TRANK1: variants seen among roughly 807,000 people sequenced by gnomAD.
TRANK1 encodes TPR and ankyrin repeat-containing protein 1.
Under a neutral mutation model 266.0 loss-of-function variants are expected in TRANK1, and 198 were observed. The ratio of observed to expected loss-of-function variants is 0.74; its 90% CI spans 0.66 to 0.84. The LOEUF is 0.84. Ranked by LOEUF, TRANK1 falls within the 40% of genes least tolerant of loss-of-function variation. The probability of loss-of-function intolerance (pLI) is 0.00; values close to 1 mark genes in which losing one functional copy is unlikely to be tolerated. For missense variants in TRANK1, 3,326 were observed against 3,634.6 expected (o/e 0.92, Z 2.18); for synonymous variants, 1,396 against 1,384.1 (o/e 1.01, Z -0.19).
intron 5 of TRANK1, among the ~76,000 whole-genome samples, chr3:36,894,031 T>G (rs1329193298): frequency 6.6e-6 from 1 of 152,162 alleles, no homozygotes; most frequent in Admixed American, 6.6e-5. Flanking sequence ...CAACCCCACA[T>G]GATAAGTTCA....
In TRANK1 at chr3:36,855,121, C is replaced by T. The variant is rs759576545; in HGVS notation, c.4549+52G>A. On this transcript the variant is annotated intron_variant, in intron 13 of 23. Coordinates refer to ENST00000645898, the MANE Select transcript of TRANK1 (RefSeq NM_001329998.2). The stretch of plus-strand genomic sequence containing the variant: ...CTAGTCTGCAGCTTCAAAGGCAGCC[C>T]AAAGTCTGTGCCTAAGCACCCCCAG... 39 of 1,515,690 alleles carry T rather than the reference C, an allele frequency of 2.6e-5. 1 individual carries two copies. Among genetic ancestry groups the T allele is most frequent in the Middle Eastern group, 3.5e-4 (2 of 5,694 alleles). 93.9% of individuals were successfully genotyped at this position (1,515,690 alleles called of 1,614,324 possible). A position where few individuals can be genotyped will look rare whatever the true frequency, so the allele number is the denominator to read the frequency against.
intron 5 of TRANK1, among the ~76,000 whole-genome samples, chr3:36,894,280 A>G (rs964551713): frequency 6.6e-6 from 1 of 152,216 alleles, no homozygotes; most frequent in Non-Finnish European, 1.5e-5. Context: ...AAGAGAGGAC[A>G]AGGTTCTTTC....
chr3:36,930,373 G>A (rs1433745653), intron 1 of TRANK1, among the ~76,000 whole-genome samples: 3 of 152,128 alleles, frequency 2.0e-5, no homozygotes, highest in Admixed American at 2.0e-4. Flanking sequence ...CTGGAAGCAG[G>A]GGGTCTTTGC....
chr3:36,868,726 A>C (rs1275583557), intron 9 of TRANK1, among the ~76,000 whole-genome samples: 1 of 152,228 alleles, frequency 6.6e-6, no homozygotes, highest in East Asian at 1.9e-4. Context: ...TAAATTTTCT[A>C]AGTATATAAA....
chr3:36,945,285 T>C (rs2080557909), upstream of TRANK1, among the ~76,000 whole-genome samples: 3 of 152,156 alleles, frequency 2.0e-5, no homozygotes, highest in South Asian at 6.2e-4. Context: ...AGAATTCGGC[T>C]TTCCTTAGTG....
chr3:36,923,611 T>G (rs2080247819), intron 1 of TRANK1, among the ~76,000 whole-genome samples: 1 of 151,970 alleles, frequency 6.6e-6, no homozygotes, highest in South Asian at 2.1e-4. Flanking sequence ...ACCCACAACA[T>G]TTTGGTGGCC....
At chr3:36,878,888 C>A (rs958722595) in intron 8 of TRANK1, among the ~76,000 whole-genome samples, 6 of 151,794 alleles carry the variant, frequency 4.0e-5, no homozygotes, top group African/African-American at 1.5e-4. Context: ...GTTTCCTCAT[C>A]TGGATAGGGA....
intron 1 of TRANK1, among the ~76,000 whole-genome samples, chr3:36,933,130 G>T (rs1471001902): frequency 2.0e-5 from 3 of 151,872 alleles, no homozygotes; most frequent in Non-Finnish European, 4.4e-5. Flanking sequence ...ATGCTCTCTA[G>T]CTCATTGCAG....
intron 1 of TRANK1, among the ~76,000 whole-genome samples, chr3:36,920,270 C>T (rs1184548904): frequency 6.6e-6 from 1 of 152,164 alleles, no homozygotes; most frequent in Non-Finnish European, 1.5e-5. Context: ...TTAGGAAGTT[C>T]TGACACTCTA....
chr3:36,935,282 G>A (rs913872786), intron 1 of TRANK1, among the ~76,000 whole-genome samples: 1 of 152,084 alleles, frequency 6.6e-6, no homozygotes, highest in African/African-American at 2.4e-5. Context: ...ATAAGGTCCT[G>A]TGTGTAGCTT....
At chr3:36,925,715 C>G (rs552508631) in intron 1 of TRANK1, among the ~76,000 whole-genome samples, 1 of 152,018 alleles carries the variant, frequency 6.6e-6, no homozygotes, top group South Asian at 2.1e-4. Flanking sequence ...CTCAGCCTCC[C>G]GAGTAGCTGG....
chr3:36,847,444 AC>A, intron 15 of TRANK1, 98 bp from the exon 16 acceptor site: 1 of 1,357,676 alleles, frequency 7.4e-7, no homozygotes, highest in Non-Finnish European at 1.0e-6. Context: ...TCATCGGGGG[AC>A]CAGGCCTTCA....
chr3:36,933,135 T>C (rs1167582639), intron 1 of TRANK1, among the ~76,000 whole-genome samples: 2 of 151,922 alleles, frequency 1.3e-5, no homozygotes, highest in African/African-American at 4.9e-5. Flanking sequence ...CTCTAGCTCA[T>C]TGCAGACACC....
chr3:36,868,174 T>C (rs187490938), intron 9 of TRANK1, among the ~76,000 whole-genome samples: 17 of 152,366 alleles, frequency 1.1e-4, no homozygotes, highest in African/African-American at 4.1e-4. Context: ...CTTTCTTAAA[T>C]GTATATATAG....
At chr3:36,921,307 C>T (rs2080210062) in intron 1 of TRANK1, among the ~76,000 whole-genome samples, 1 of 152,216 alleles carries the variant, frequency 6.6e-6, no homozygotes, top group Non-Finnish European at 1.5e-5. Context: ...ATCCCTTCCC[C>T]TCCCCTGTCC....
intron 1 of TRANK1, among the ~76,000 whole-genome samples, chr3:36,923,502 T>C (rs1009339889): frequency 1.3e-5 from 2 of 152,238 alleles, no homozygotes; most frequent in African/African-American, 4.8e-5. Context: ...GTGATCCACC[T>C]GCCTCGGCAT....
At chr3:36,923,638 T>C (rs2080248262) in intron 1 of TRANK1, among the ~76,000 whole-genome samples, 7 of 152,110 alleles carry the variant, frequency 4.6e-5, no homozygotes, top group Admixed American at 4.6e-4. Context: ...GGGAACTCTC[T>C]CTGGACGGGA....
chr3:36,903,974 T>G (rs967875035), intron 2 of TRANK1, among the ~76,000 whole-genome samples: 2 of 150,764 alleles, frequency 1.3e-5, no homozygotes, highest in African/African-American at 4.8e-5. Context: ...ATTTAATATC[T>G]TTGAGACAGA....
chr3:36,881,480 G>A (rs1483727217), intron 8 of TRANK1, among the ~76,000 whole-genome samples: 1 of 151,904 alleles, frequency 6.6e-6, no homozygotes, highest in Non-Finnish European at 1.5e-5. Flanking sequence ...AAGCATGGTG[G>A]CACATGCCTG....
Sources: gnomAD v4.1 joint callset for allele counts (sites outside exome capture counted in the v4.1 genomes callset) on GRCh38, gnomAD v4.1.1 for gene constraint, MANE v1.5 for transcripts, NCBI Gene and HGNC (gene_info 2026-07-23, HGNC 2026-07-21) for gene names.